FGF14: variants seen among roughly 807,000 people sequenced by gnomAD.
The protein encoded by FGF14 is fibroblast growth factor 14.
FGF14 carries 5 observed loss-of-function variants against 25.5 expected under a neutral mutation model. That is an observed-to-expected ratio of 0.20 (90% CI 0.10 to 0.41). The LOEUF (loss-of-function observed/expected upper bound fraction) is 0.41, where lower values mean the gene tolerates loss of function less well. Ranked by LOEUF, FGF14 falls within the 10% of genes least tolerant of loss-of-function variation. FGF14 has a pLI of 1.00. For missense variants in FGF14, 222 were observed against 320.1 expected (o/e 0.69, Z 2.34); for synonymous variants, 138 against 118.3 (o/e 1.17, Z -1.08).
chr13:101,922,917 T>A (rs907587581), intron 1 of FGF14, among the ~76,000 whole-genome samples: 1 of 152,088 alleles, frequency 6.6e-6, no homozygotes, highest in African/African-American at 2.4e-5. Flanking sequence ...AATTCTATCA[T>A]GTTATTTTTC....
chr13:102,313,730 T>C (rs908220806), intron 1 of FGF14, among the ~76,000 whole-genome samples: 1 of 152,198 alleles, frequency 6.6e-6, no homozygotes, highest in African/African-American at 2.4e-5. Context: ...TATTCTTGTT[T>C]GCATTAAAGA....
intron 1 of FGF14, among the ~76,000 whole-genome samples, chr13:101,985,919 C>G (rs2038550568): frequency 6.6e-6 from 1 of 152,128 alleles, no homozygotes; most frequent in Non-Finnish European, 1.5e-5. Context: ...CCTACCAAAT[C>G]TGCAAGTGTT....
chr13:102,011,516 G>C (rs567466279), intron 1 of FGF14, among the ~76,000 whole-genome samples: 1 of 150,660 alleles, frequency 6.6e-6, no homozygotes, highest in African/African-American at 2.4e-5. Flanking sequence ...CCATAGCTGA[G>C]AGCATAGAGA....
chr13:102,155,880 C>T (rs1345626218), intron 1 of FGF14, among the ~76,000 whole-genome samples: 27 of 152,180 alleles, frequency 1.8e-4, no homozygotes. Context: ...ACTATAAACA[C>T]CTCTACACAA....
chr13:102,356,947 A>G (rs2057433896), intron 1 of FGF14, among the ~76,000 whole-genome samples: 1 of 150,382 alleles, frequency 6.6e-6, no homozygotes. Flanking sequence ...ATATATATAT[A>G]TACACACAAA....
At chr13:102,249,256 A>G (rs1203992794) in intron 1 of FGF14, among the ~76,000 whole-genome samples, 1 of 152,168 alleles carries the variant, frequency 6.6e-6, no homozygotes, top group Admixed American at 6.6e-5. Context: ...GCAAAAGGAG[A>G]CACACGGAGC....
intron 1 of FGF14, among the ~76,000 whole-genome samples, chr13:102,201,784 G>T (rs1376827059): frequency 6.6e-6 from 1 of 152,182 alleles, no homozygotes; most frequent in Admixed American, 6.5e-5. Flanking sequence ...GAGAGGCAGG[G>T]ATTGAAAACT....
At chr13:101,746,439 A>C (rs1178730152) in intron 3 of FGF14, among the ~76,000 whole-genome samples, 1 of 151,980 alleles carries the variant, frequency 6.6e-6, no homozygotes, top group Non-Finnish European at 1.5e-5. Context: ...TTATTAGAAA[A>C]TACTGAAAAC....
intron 1 of FGF14, among the ~76,000 whole-genome samples, chr13:102,201,088 G>C (rs920297670): frequency 1.8e-5 from 2 of 112,910 alleles, no homozygotes; most frequent in African/African-American, 3.5e-5. Context: ...GCGACAGAGC[G>C]AGACTCCGTC....
rs1476884209 is a variant in FGF14, at chr13:102,134,654, G to A, written c.209-259358C>T. Among the ~76,000 whole-genome samples the A allele has an allele frequency of 4.6e-5, 7 of 152,206 alleles. No individual in the cohort carries two copies. The East Asian group carries it at 1.4e-3, about 29-fold the overall frequency. On this transcript the variant is annotated intron_variant, in intron 1 of 4. Coordinates refer to the FGF14 transcript ENST00000376131. ...TGACAAGTTGGACTAATTGCCTGGGGCCCCATGCTGAAACTCAACAATATA... is the reference window on the plus strand; with the variant it reads ...TGACAAGTTGGACTAATTGCCTGGGACCCCATGCTGAAACTCAACAATATA...
At chr13:102,222,528 G>C (rs952235510) in intron 1 of FGF14, among the ~76,000 whole-genome samples, 4 of 152,186 alleles carry the variant, frequency 2.6e-5, no homozygotes, top group African/African-American at 9.7e-5. Flanking sequence ...GGCAGTCCTA[G>C]TTATTACAGA....
At chr13:101,825,042 C>A (rs1006655451) in intron 3 of FGF14, among the ~76,000 whole-genome samples, 1 of 152,154 alleles carries the variant, frequency 6.6e-6, no homozygotes, top group East Asian at 1.9e-4. Flanking sequence ...TGTAATAAAT[C>A]GGCCATTGGT....
chr13:101,943,826 A>AAAATATAT (rs1555324449), intron 1 of FGF14, among the ~76,000 whole-genome samples: 1 of 126,808 alleles, frequency 7.9e-6, no homozygotes, highest in African/African-American at 3.4e-5. Context: ...AAAAAAAAAA[A>AAAATATAT]ATATATATAT....
At chr13:101,862,143 A>C (rs1296968642) in intron 3 of FGF14, among the ~76,000 whole-genome samples, 3 of 152,060 alleles carry the variant, frequency 2.0e-5, no homozygotes, top group Non-Finnish European at 4.4e-5. Context: ...AGAAAGTTAG[A>C]ATCAGGAGTC....
intron 1 of FGF14, among the ~76,000 whole-genome samples, chr13:102,133,104 C>T (rs2046269131): frequency 6.6e-6 from 1 of 152,166 alleles, no homozygotes; most frequent in Admixed American, 6.5e-5. Flanking sequence ...ATCTTCAACA[C>T]ATTTATTTTC....
At chr13:102,292,631 A>C (rs934153773) in intron 1 of FGF14, 1 of 152,210 alleles carries the variant, frequency 6.6e-6, no homozygotes, top group African/African-American at 2.4e-5. Context: ...GCAAAACGTT[A>C]TATATCAAAC....
chr13:102,140,334 A>G (rs2046596718), intron 1 of FGF14, among the ~76,000 whole-genome samples: 1 of 152,152 alleles, frequency 6.6e-6, no homozygotes, highest in Non-Finnish European at 1.5e-5. Context: ...TTTAACCAAA[A>G]CAGACTCAGT....
chr13:101,810,925 T>C (rs2041469035), intron 3 of FGF14, among the ~76,000 whole-genome samples: 1 of 152,082 alleles, frequency 6.6e-6, no homozygotes, highest in African/African-American at 2.4e-5. Flanking sequence ...TTTCACTTAT[T>C]TAAAAAAACA....
intron 1 of FGF14, among the ~76,000 whole-genome samples, chr13:102,271,111 G>C (rs2053224082): frequency 6.6e-6 from 1 of 152,176 alleles, no homozygotes; most frequent in East Asian, 1.9e-4. Flanking sequence ...CTATGTGAAG[G>C]AGTGATTTAG....
Sources: gnomAD v4.1 joint callset for allele counts (sites outside exome capture counted in the v4.1 genomes callset) on GRCh38, gnomAD v4.1.1 for gene constraint, MANE v1.5 for transcripts, NCBI Gene and HGNC (gene_info 2026-07-23, HGNC 2026-07-21) for gene names.